The following CTPS2 variants were observed in gnomAD, a reference collection of about 807,000 sequenced individuals.
CTPS2 encodes CTP synthase 2, also known as CTP synthase II.
Under a neutral mutation model 46.8 loss-of-function variants are expected in CTPS2, and 19 were observed. The observed-to-expected ratio is 0.41, with a 90% CI of 0.28 to 0.60. The LOEUF (loss-of-function observed/expected upper bound fraction) is 0.60. CTPS2 is among the 20% of genes least tolerant of loss of function. The pLI, the probability that CTPS2 is intolerant of heterozygous loss-of-function variation, is 0.35. For synonymous variants in CTPS2, 151 were observed against 165.2 expected (o/e 0.91, Z 0.66); for missense variants, 286 against 447.6 (o/e 0.64, Z 3.26).
intron 14 of CTPS2, among the ~76,000 whole-genome samples, chrX:16,621,028 G>C (rs1930797866): frequency 9.0e-6 from 1 of 111,562 alleles, no homozygotes; most frequent in Non-Finnish European, 1.9e-5. Context: ...ATCAAGAATA[G>C]ACAAACTGGT....
In CTPS2 at chrX:16,699,094, C is replaced by A; in HGVS notation, c.167-1G>T. The A allele has an allele frequency of 8.8e-7, 1 of 1,130,093 alleles. No homozygotes were observed. Among genetic ancestry groups the A allele is most frequent in the Non-Finnish European group, 1.2e-6 (1 of 859,242 alleles). The allele number at this position is 1,130,093 out of a possible 1,213,427, so 93.1% of individuals were successfully genotyped here. On this transcript the variant is annotated splice_acceptor_variant, in intron 2 of 18. Coordinates refer to ENST00000359276, the MANE Select transcript of CTPS2 (RefSeq NM_175859.3). LOFTEE classifies it high-confidence loss of function. ...CCATCATTTAAGACGAAGACTTCAC[C>A]TAGGATTAAAAAGGCAATGGAAAAA...
At chrX:16,655,620 G>T (rs772925398) in intron 13 of CTPS2, among the ~76,000 whole-genome samples, 4 of 110,797 alleles carry the variant, frequency 3.6e-5, no homozygotes, top group African/African-American at 1.3e-4. Flanking sequence ...GTTACCAATG[G>T]CTCAAGCTGA....
chrX:16,710,078 T>C lies in CTPS2; in HGVS notation c.-40+2257A>G, dbSNP rs1025658630. 3.7e-5 allele frequency among the ~76,000 whole-genome samples: 4 copies of C among 108,679 alleles called. No homozygotes were observed. The Admixed American group carries it at 4.0e-4, about 11-fold the overall frequency. The allele number at this position is 108,679 out of a possible 115,157, so 94.4% of individuals were successfully genotyped here. A position where few individuals can be genotyped will look rare whatever the true frequency, so the allele number is the denominator to read the frequency against. On this transcript the variant is annotated intron_variant, in intron 1 of 18. Transcript: ENST00000359276. ...CAAGTCATAGAAACTAGAACCCTTT[T>C]CCCCCCAAAGCCAGCCATAAAGCCA...
intron 15 of CTPS2, among the ~76,000 whole-genome samples, chrX:16,618,976 T>C (rs756612021): frequency 1.8e-5 from 2 of 111,065 alleles, no homozygotes; most frequent in South Asian, 7.6e-4. Flanking sequence ...GCAAAATAGG[T>C]GTGAATGAAT....
intron 11 of CTPS2, among the ~76,000 whole-genome samples, chrX:16,669,760 C>T (rs1921574026): frequency 9.1e-6 from 1 of 109,863 alleles, no homozygotes; most frequent in South Asian, 4.0e-4. Flanking sequence ...CCAATGGGCT[C>T]ATAAACCCAC....
chrX:16,672,828 C>A (rs1235264915), intron 10 of CTPS2, among the ~76,000 whole-genome samples: 1 of 108,265 alleles, frequency 9.2e-6, no homozygotes, highest in East Asian at 2.9e-4. Flanking sequence ...GTAAAAATCA[C>A]TGTCTCCTGT....
intron 17 of CTPS2, among the ~76,000 whole-genome samples, chrX:16,605,014 G>A (rs142667982): frequency 0.027 from 3,042 of 112,083 alleles, 42 homozygotes; most frequent in Non-Finnish European, 0.045. Flanking sequence ...TCTTTCAAAG[G>A]GCCTGCTTGC....
chrX:16,597,312 T>C (rs1929344264), intron 17 of CTPS2, among the ~76,000 whole-genome samples: 1 of 111,864 alleles, frequency 8.9e-6, no homozygotes, highest in Non-Finnish European at 1.9e-5. Flanking sequence ...TCTTCTAGGG[T>C]TTTTATGGTT....
intron 15 of CTPS2, among the ~76,000 whole-genome samples, chrX:16,619,949 G>A (rs914867171): frequency 1.8e-5 from 2 of 111,350 alleles, no homozygotes; most frequent in Non-Finnish European, 3.8e-5. Context: ...ATAAAGGGTG[G>A]GGGCTAAGGA....
intron 10 of CTPS2, among the ~76,000 whole-genome samples, chrX:16,677,856 C>A (rs770000227): frequency 1.8e-5 from 2 of 111,617 alleles, no homozygotes; most frequent in Admixed American, 9.5e-5. Context: ...GGGGGAGGCA[C>A]GTATAATTCA....
Position 16,651,215 on chromosome X carries a change from G to A in CTPS2, c.1297-11972C>T, listed in dbSNP as rs184327542. On this transcript the variant is annotated intron_variant, in intron 13 of 18. Transcript: ENST00000359276. The stretch of plus-strand genomic sequence containing the variant: ...GGAGGGAGGGAGGGGAGAGGACTCC[G>A]GTAGAGCCTTATAGGGACCGTCGCT... 16 of 990,683 alleles carry A rather than the reference G, an allele frequency of 1.6e-5. No homozygotes were observed. The East Asian group carries it at 2.8e-4, about 17-fold the overall frequency. The allele number at this position is 990,683 out of a possible 1,213,427, so 81.6% of individuals were successfully genotyped here.
At chrX:16,660,225 T>C (rs970417753) in intron 13 of CTPS2, among the ~76,000 whole-genome samples, 2 of 108,624 alleles carry the variant, frequency 1.8e-5, no homozygotes, top group African/African-American at 6.7e-5. Flanking sequence ...CTTTCTTTCT[T>C]TCTTTTTTTA....
Position 16,613,086 on chromosome X carries a change from G to A in CTPS2, c.1547-3401C>T, listed in dbSNP as rs747965117. 8.0e-5 allele frequency among the ~76,000 whole-genome samples: 9 copies of A among 112,056 alleles called. No homozygotes were observed. In the South Asian group the frequency reaches 3.0e-3, roughly 38 times the overall value. On this transcript the variant is annotated intron_variant, in intron 16 of 18. Transcript: ENST00000359276. ...ACTTGAACAGATTAGAGACAAAAAG[G>A]AAAAGAGACAGAGAAAAGGCATTTG...
At chrX:16,612,845 A>G (rs945564877) in intron 16 of CTPS2, among the ~76,000 whole-genome samples, 1 of 111,921 alleles carries the variant, frequency 8.9e-6, no homozygotes, top group Non-Finnish European at 1.9e-5. Context: ...ACCTCTTTGC[A>G]CTCCGGTGTC....
chrX:16,698,325 T>A lies in CTPS2; in HGVS notation c.349A>T (p.Ile117Phe). 8.4e-7 allele frequency: 1 copy of A among 1,184,176 alleles called. No homozygotes were observed. Among genetic ancestry groups the A allele is most frequent in the Non-Finnish European group, 1.1e-6 (1 of 870,934 alleles). The change falls in exon 4 of 19, where the codon ATT (isoleucine) becomes TTT (phenylalanine). Residue 117 changes from isoleucine to phenylalanine, a missense_variant. Transcript: ENST00000359276. ...LGKTVQVVPH[I>F]TDAVQEWVMN... ...ACCCACTCCTGGACAGCATCAGTAA[T>A]GTGAGGGACAACTGTAGAAAGAAGT...
intron 13 of CTPS2, chrX:16,654,549 G>A (rs1414824285): frequency 3.6e-6 from 3 of 842,527 alleles, no homozygotes; most frequent in Non-Finnish European, 5.2e-6. Flanking sequence ...TGGAGGAAGA[G>A]CGCCTGTGCT....
chrX:16,707,898 C>G (rs1925145128), intron 1 of CTPS2, among the ~76,000 whole-genome samples: 2 of 111,482 alleles, frequency 1.8e-5, no homozygotes, highest in Admixed American at 9.6e-5. Context: ...AGGAGAATCA[C>G]TTGAAGCCGG....
At chrX:16,686,055 G>A (rs1461640505) in intron 8 of CTPS2, among the ~76,000 whole-genome samples, 1 of 109,844 alleles carries the variant, frequency 9.1e-6, no homozygotes, top group African/African-American at 3.3e-5. Flanking sequence ...CTCTCTACAG[G>A]CTATACTGAG....
intron 13 of CTPS2, among the ~76,000 whole-genome samples, chrX:16,657,399 A>G (rs1428870443): frequency 9.1e-6 from 1 of 109,593 alleles, no homozygotes; most frequent in Non-Finnish European, 1.9e-5. Flanking sequence ...AGAGAGAAGT[A>G]CCGGTTGATG....
Sources: allele counts gnomAD v4.1 joint callset (sites outside exome capture counted in the v4.1 genomes callset), GRCh38; gene constraint gnomAD v4.1.1; transcripts MANE v1.5; gene names NCBI Gene and HGNC (gene_info 2026-07-23, HGNC 2026-07-21).